Variants in DLGAP1 observed in about 807,000 individuals in gnomAD.
DLGAP1 encodes the protein DLG associated protein 1, also known as disks large-associated protein 1.
In DLGAP1, 11 loss-of-function variants were observed where a neutral mutation model predicts 90.8. The ratio of observed to expected loss-of-function variants is 0.12; its 90% CI spans 0.08 to 0.20. DLGAP1 has a LOEUF of 0.20. Ranked by LOEUF, DLGAP1 falls within the 10% of genes least tolerant of loss-of-function variation. DLGAP1 has a pLI of 1.00. For synonymous variants in DLGAP1, 558 were observed against 540.7 expected, an observed-to-expected ratio of 1.03 and a Z score of -0.44; for missense variants, 1,050 against 1,333.8, an observed-to-expected ratio of 0.79 and a Z score of 3.31.
chr18:4,276,991 T>C (rs2079430885), intron 1 of DLGAP1, among the ~76,000 whole-genome samples: 1 of 152,260 alleles, frequency 6.6e-6, no homozygotes, highest in Admixed American at 6.5e-5. Flanking sequence ...TAGACTTTAA[T>C]GAATATATTT....
At chr18:3,718,130 T>C (rs780481469) in intron 7 of DLGAP1, among the ~76,000 whole-genome samples, 12 of 152,206 alleles carry the variant, frequency 7.9e-5, no homozygotes, top group Non-Finnish European at 1.8e-4. Flanking sequence ...GTCAACATTC[T>C]TTTTATTTAA....
chr18:3,638,864 A>G (rs2058820666), intron 7 of DLGAP1, among the ~76,000 whole-genome samples: 1 of 152,222 alleles, frequency 6.6e-6, no homozygotes, highest in South Asian at 2.1e-4. Flanking sequence ...ACAAAGTCCA[A>G]TAAGATCCTA....
intron 1 of DLGAP1, among the ~76,000 whole-genome samples, chr18:4,339,780 C>A (rs1426951261): frequency 6.6e-6 from 1 of 152,140 alleles, no homozygotes; most frequent in East Asian, 1.9e-4. Context: ...CAATACTTAT[C>A]ATTTACCCTG....
In DLGAP1 at chr18:3,496,896, T is replaced by C. The variant is rs960811898; in HGVS notation, c.*2289A>G. The stretch of plus-strand genomic sequence containing the variant: ...AAAGATTTAAAATTCTTACCAAAAA[T>C]AGCTTATGAATATACAAATGCCGTT... On this transcript the variant is annotated 3_prime_UTR_variant, in exon 13 of 13. Coordinates refer to ENST00000315677, the MANE Select transcript of DLGAP1 (RefSeq NM_004746.4). The C allele has an allele frequency of 1.3e-5, 2 of 152,198 alleles. No homozygotes were observed. Among genetic ancestry groups the C allele is most frequent in the African/African-American group, 4.8e-5 (2 of 41,442 alleles). 9.4% of individuals were successfully genotyped at this position (152,198 alleles called of 1,614,324 possible).
At chr18:3,533,177 A>G (rs907167301) in intron 10 of DLGAP1, among the ~76,000 whole-genome samples, 5 of 152,192 alleles carry the variant, frequency 3.3e-5, no homozygotes, top group Non-Finnish European at 7.3e-5. Context: ...TGTAGTCCCA[A>G]CTACTTGGGA....
intron 7 of DLGAP1, among the ~76,000 whole-genome samples, chr18:3,634,713 A>G (rs2058636864): frequency 6.6e-6 from 1 of 152,200 alleles, no homozygotes; most frequent in Non-Finnish European, 1.5e-5. Flanking sequence ...ACATGAGATG[A>G]GGTAATTGGA....
intron 7 of DLGAP1, among the ~76,000 whole-genome samples, chr18:3,697,231 G>A (rs886251317): frequency 2.6e-5 from 4 of 151,912 alleles, no homozygotes; most frequent in Non-Finnish European, 5.9e-5. Context: ...TCTTCTGCTA[G>A]CTTTTGCATT....
chr18:3,523,754 A>T (rs1364863600), intron 10 of DLGAP1, among the ~76,000 whole-genome samples: 1 of 151,872 alleles, frequency 6.6e-6, no homozygotes, highest in Non-Finnish European at 1.5e-5. Flanking sequence ...AGGCTGAGGC[A>T]GGAGAATGGT....
intron 9 of DLGAP1, among the ~76,000 whole-genome samples, chr18:3,546,270 C>G (rs764888312): frequency 7.9e-5 from 12 of 151,964 alleles, no homozygotes; most frequent in South Asian, 2.1e-4. Flanking sequence ...AAAAATTAGT[C>G]GAGCATGGTG....
chr18:3,511,833 G>A (rs755687448), intron 10 of DLGAP1, among the ~76,000 whole-genome samples: 9 of 152,086 alleles, frequency 5.9e-5, no homozygotes, highest in Non-Finnish European at 1.3e-4. Flanking sequence ...CATCCCCAGA[G>A]GAAACCATTG....
intron 5 of DLGAP1, among the ~76,000 whole-genome samples, chr18:3,795,208 G>C (rs2065928185): frequency 6.6e-6 from 1 of 152,174 alleles, no homozygotes; most frequent in Non-Finnish European, 1.5e-5. Context: ...GAAAAGCCAG[G>C]AAGAAACCCC....
At chr18:4,414,376 T>C (rs1427567801) in intron 1 of DLGAP1, among the ~76,000 whole-genome samples, 1 of 152,248 alleles carries the variant, frequency 6.6e-6, no homozygotes, top group Admixed American at 6.5e-5. Context: ...ATTTATATGA[T>C]GCTTAGCATA....
chr18:3,979,032 A>G (rs1269431124), intron 3 of DLGAP1, among the ~76,000 whole-genome samples: 1 of 152,236 alleles, frequency 6.6e-6, no homozygotes, highest in Non-Finnish European at 1.5e-5. Flanking sequence ...GTATATATAA[A>G]CAATGGAACA....
At chr18:3,501,712 T>C (rs902736465) in intron 12 of DLGAP1, among the ~76,000 whole-genome samples, 1 of 152,174 alleles carries the variant, frequency 6.6e-6, no homozygotes. Flanking sequence ...CTCTTGGAAT[T>C]ATTTGACCTG....
chr18:3,616,307 T>C (rs1457799740), intron 7 of DLGAP1, among the ~76,000 whole-genome samples: 1 of 152,152 alleles, frequency 6.6e-6, no homozygotes, highest in Non-Finnish European at 1.5e-5. Flanking sequence ...TCATTCGCTG[T>C]CTGACCTGAC....
intron 2 of DLGAP1, among the ~76,000 whole-genome samples, chr18:4,033,844 A>G (rs990973069): frequency 2.7e-5 from 4 of 149,854 alleles, no homozygotes; most frequent in Non-Finnish European, 5.9e-5. Flanking sequence ...GGTTCAAATG[A>G]TTCTCTGCCT....
At chr18:3,875,345 G>A (rs1299102162) in intron 4 of DLGAP1, among the ~76,000 whole-genome samples, 1 of 152,206 alleles carries the variant, frequency 6.6e-6, no homozygotes, top group East Asian at 1.9e-4. Context: ...CTGGGCAAAT[G>A]ATTTAAGCAT....
At chr18:4,251,096 CAG>C (rs1381465205) in intron 1 of DLGAP1, among the ~76,000 whole-genome samples, 15 of 152,114 alleles carry the variant, frequency 9.9e-5, no homozygotes, top group African/African-American at 3.4e-4. Context: ...ACAGAAGTGA[CAG>C]AGTCTTTAAA....
At chr18:4,265,428 C>T (rs1676798753) in intron 1 of DLGAP1, among the ~76,000 whole-genome samples, 1 of 151,608 alleles carries the variant, frequency 6.6e-6, no homozygotes, top group South Asian at 2.1e-4. Context: ...CTCGGCCCCC[C>T]AAAGTGCTGG....
Sources: gnomAD v4.1 joint callset for allele counts (sites outside exome capture counted in the v4.1 genomes callset) on GRCh38, gnomAD v4.1.1 for gene constraint, MANE v1.5 for transcripts, NCBI Gene and HGNC (gene_info 2026-07-23, HGNC 2026-07-21) for gene names.